Variants in TRPM8 observed in about 807,000 individuals in gnomAD.
TRPM8 encodes transient receptor potential cation channel subfamily M member 8.
Under a neutral mutation model 133.7 loss-of-function variants are expected in TRPM8, and 110 were observed. The observed-to-expected ratio is 0.82, with a 90% CI of 0.70 to 0.96. The LOEUF is 0.96. Among genes scored for constraint, TRPM8 ranks in the 40% least tolerant of loss-of-function variants. The pLI is 0.00. For synonymous variants in TRPM8, 535 were observed against 532.3 expected, an observed-to-expected ratio of 1.01 and a Z score of -0.07; for missense variants, 1,291 against 1,379.5, an observed-to-expected ratio of 0.94 and a Z score of 1.02.
intron 12 of TRPM8, among the ~76,000 whole-genome samples, chr2:233,961,507 T>C (rs1047633245): frequency 4.6e-5 from 7 of 152,162 alleles, no homozygotes; most frequent in Non-Finnish European, 1.0e-4. Context: ...GGTTTCACCA[T>C]GTTGGCCAGG....
At chr2:233,939,211 T>G in intron 5 of TRPM8, 36 bp downstream of exon 5, 1 of 1,608,358 alleles carries the variant, frequency 6.2e-7, no homozygotes, top group Non-Finnish European at 8.5e-7. Flanking sequence ...GTTCTTCCAT[T>G]CGGGCTGCAC....
intron 21 of TRPM8, among the ~76,000 whole-genome samples, chr2:233,987,198 G>A (rs1692166821): frequency 6.6e-6 from 1 of 152,252 alleles, no homozygotes; most frequent in African/African-American, 2.4e-5. Flanking sequence ...CCACACTGTG[G>A]AATATTATGC....
chr2:233,972,773 G>A (rs1174158252), intron 17 of TRPM8, among the ~76,000 whole-genome samples: 2 of 152,108 alleles, frequency 1.3e-5, no homozygotes, highest in African/African-American at 2.4e-5. Flanking sequence ...TGCGGGGCCC[G>A]CCAAGCCCAC....
chr2:233,944,028 T>A (rs1690981963), intron 6 of TRPM8, among the ~76,000 whole-genome samples: 1 of 152,090 alleles, frequency 6.6e-6, no homozygotes, highest in Admixed American at 6.6e-5. Context: ...GAGGAGGCGT[T>A]TTGAAGACAG....
rs1367025304 is a variant in TRPM8 at position 233,981,843 on chromosome 2, C to T, written c.2517C>T (p.Phe839=). The T allele has an allele frequency of 6.8e-6, 11 of 1,613,816 alleles. No individual in the cohort carries two copies. The highest frequency in any genetic ancestry group is 1.3e-5 in the African/African-American group (1 of 75,018). Residue 839 remains phenylalanine (F), a synonymous_variant, in exon 19 of 26, where the codon TTC becomes TTT. Transcript: ENST00000324695. ...TTTTCTGTCTGGACTACATTATTTT[C>T]ACTCTAAGATTGATCCACATTTTTA... The part of the protein sequence containing the change: ...RVIFCLDYII[F]TLRLIHIFTV...
chr2:233,999,602 C>A (rs1048770732), intron 22 of TRPM8, among the ~76,000 whole-genome samples: 12 of 152,240 alleles, frequency 7.9e-5, no homozygotes, highest in Admixed American at 5.2e-4. Flanking sequence ...ATGCCTCCCC[C>A]ACCCAATGCT....
intron 21 of TRPM8, among the ~76,000 whole-genome samples, chr2:233,990,252 G>A (rs575578537): frequency 1.1e-4 from 17 of 152,222 alleles, no homozygotes; most frequent in South Asian, 2.1e-4. Context: ...GTGTGTAGCC[G>A]GTGGGCTAGT....
intron 3 of TRPM8, among the ~76,000 whole-genome samples, chr2:233,933,149 C>A (rs1188786105): frequency 1.3e-5 from 2 of 152,020 alleles, no homozygotes; most frequent in Admixed American, 1.3e-4. Flanking sequence ...AGTCACTTCT[C>A]ACTTCCTTGG....
chr2:233,927,774 CT>C (rs1470723086), intron 2 of TRPM8, among the ~76,000 whole-genome samples: 2 of 56,616 alleles, frequency 3.5e-5, no homozygotes, highest in Non-Finnish European at 5.5e-5. Flanking sequence ...TTCTTTCTTT[CT>C]TTCTTTCTTT....
At chr2:233,929,009 A>T (rs17864742) in intron 2 of TRPM8, among the ~76,000 whole-genome samples, 16,469 of 84,148 alleles carry the variant, frequency 0.2, 3,526 homozygotes, top group African/African-American at 0.61. Flanking sequence ...TTTTTTTTTT[A>T]TTTTTTTGCT....
chr2:234,000,151 C>T (rs1474118694), intron 22 of TRPM8, among the ~76,000 whole-genome samples: 3 of 151,540 alleles, frequency 2.0e-5, no homozygotes, highest in Non-Finnish European at 4.4e-5. Context: ...CTCTGTGTTG[C>T]CCAGGCTGGA....
chr2:233,955,175 G>C lies in TRPM8; in HGVS notation c.1287G>C (p.Gln429His). The change falls in exon 11 of 26, where the codon CAG (glutamine) becomes CAC (histidine). Residue 429 changes from glutamine (Q) to histidine (H), a missense_variant. Gln to His is a conservative substitution (Grantham distance 24). Transcript: ENST00000324695. ...AAGACAAGGATAACTGGAATGGGCA[G>C]CTGAAGCTTCTGCTGGAGTGGAACC... ...SEQDKDNWNG[Q>H]LKLLLEWNQL... 1 of 1,614,208 alleles carries C rather than the reference G, an allele frequency of 6.2e-7. No individual in the cohort carries two copies.
chr2:233,960,652 G>T, intron 11 of TRPM8, 124 bp from the exon 12 acceptor site: 1 of 730,272 alleles, frequency 1.4e-6, no homozygotes, highest in Non-Finnish European at 2.3e-6. Flanking sequence ...GATTGAAAGA[G>T]AAGTTGAAGA....
In TRPM8 at chr2:233,939,004, C is replaced by T. The variant is rs898326390; in HGVS notation, c.355C>T (p.Arg119Cys). ...ETLGKKGKYIRLSCDTDAEIL... is the reference protein window; with the variant it reads ...ETLGKKGKYICLSCDTDAEIL... ...TCTGCTTCTCTCCCCATAGTATATA[C>T]GTCTGTCCTGCGACACGGACGCGGA... Residue 119 changes from arginine (R) to cysteine (C), a missense_variant, in exon 5 of 26, where the codon CGT (arginine) becomes TGT (cysteine). Transcript: ENST00000324695. The T allele has an allele frequency of 1.2e-6, 2 of 1,614,188 alleles. No homozygotes were observed. The highest frequency in any genetic ancestry group is 2.2e-5 in the East Asian group (1 of 44,872).
intron 16 of TRPM8, 69 bp downstream of exon 16, chr2:233,969,876 G>A: frequency 1.0e-6 from 1 of 957,934 alleles, no homozygotes; most frequent in Admixed American, 1.9e-5. Context: ...CCACATATGT[G>A]TGCTCTCATG....
At chr2:234,013,008 C>T (rs1426788889) in intron 24 of TRPM8, among the ~76,000 whole-genome samples, 1 of 152,114 alleles carries the variant, frequency 6.6e-6, no homozygotes, top group African/African-American at 2.4e-5. Flanking sequence ...TTTTAATATG[C>T]TCTGAAATTC....
intron 21 of TRPM8, among the ~76,000 whole-genome samples, chr2:233,993,213 T>C (rs1692326166): frequency 1.2e-4 from 18 of 152,334 alleles, no homozygotes; most frequent in Admixed American, 1.2e-3. Context: ...ATAAGAGTTC[T>C]TGCTATTTGT....
intron 1 of TRPM8, among the ~76,000 whole-genome samples, chr2:233,922,084 C>G (rs1691423557): frequency 6.9e-6 from 1 of 144,308 alleles, no homozygotes; most frequent in Non-Finnish European, 1.5e-5. Context: ...AGGTTACAGT[C>G]GCAAGGGTCT....
At chr2:233,938,928 G>T (rs1690830599) in intron 4 of TRPM8, 70 bp from the exon 5 acceptor site, 2 of 1,531,032 alleles carry the variant, frequency 1.3e-6, no homozygotes, top group Non-Finnish European at 1.8e-6. Context: ...TGGAAGTTGG[G>T]AGGGAATGCT....
Sources: allele counts gnomAD v4.1 joint callset (sites outside exome capture counted in the v4.1 genomes callset), GRCh38; gene constraint gnomAD v4.1.1; transcripts MANE v1.5; gene names NCBI Gene and HGNC (gene_info 2026-07-23, HGNC 2026-07-21).